TEAD1: variants seen among roughly 807,000 people sequenced by gnomAD.
The protein encoded by TEAD1 is TEA domain transcription factor 1, also known as transcriptional enhancer factor TEF-1.
A neutral mutation model predicts 54.9 loss-of-function variants in TEAD1; 9 were observed. The observed-to-expected ratio is 0.16, with a 90% CI of 0.10 to 0.29. TEAD1 has a LOEUF of 0.29. Among genes scored for constraint, TEAD1 ranks in the 10% least tolerant of loss-of-function variants. TEAD1 has a pLI of 1.00. For missense variants in TEAD1, 387 were observed against 535.9 expected, an observed-to-expected ratio of 0.72 and a Z score of 2.74; for synonymous variants, 200 against 187.8, an observed-to-expected ratio of 1.07 and a Z score of -0.53.
intron 2 of TEAD1, among the ~76,000 whole-genome samples, chr11:12,712,199 C>G (rs1252129434): frequency 6.6e-6 from 1 of 152,186 alleles, no homozygotes; most frequent in Non-Finnish European, 1.5e-5. Context: ...GCCCGTCCAT[C>G]CATCCATCCA....
chr11:12,902,305 G>A (rs868792984), intron 10 of TEAD1, among the ~76,000 whole-genome samples, 192 bp downstream of exon 10: 1 of 152,240 alleles, frequency 6.6e-6, no homozygotes, highest in Non-Finnish European at 1.5e-5. Context: ...TCCACATGGT[G>A]CACCTGGGTG....
At chr11:12,928,446 T>G (rs1049639026) in intron 11 of TEAD1, among the ~76,000 whole-genome samples, 2 of 152,092 alleles carry the variant, frequency 1.3e-5, no homozygotes, top group African/African-American at 4.8e-5. Flanking sequence ...CATGCCTGGC[T>G]AATTTTTTGT....
intron 9 of TEAD1, among the ~76,000 whole-genome samples, chr11:12,890,387 C>T (rs909900823): frequency 6.6e-6 from 1 of 152,116 alleles, no homozygotes; most frequent in African/African-American, 2.4e-5. Flanking sequence ...AATTGTCTTC[C>T]ACAAAATCAG....
At chr11:12,734,415 A>G (rs1343347339) in intron 2 of TEAD1, among the ~76,000 whole-genome samples, 1 of 151,914 alleles carries the variant, frequency 6.6e-6, no homozygotes. Context: ...TTTATAATTG[A>G]AAAAAAATTA....
At position 12,925,762 on chromosome 11, in the gene TEAD1, C is replaced by CA. The variant is rs574204501; in HGVS notation, c.1014+712dup. Among the ~76,000 whole-genome samples the CA allele has an allele frequency of 1.2e-4, 18 of 152,258 alleles. No individual in the cohort carries two copies. In the East Asian group the frequency reaches 1.9e-3, roughly 16 times the overall value. ...CTCAGAATGATGCCCTCCCTACACCCAACCCCTAGGTCCAAGGGCACTCCC... is the reference window on the plus strand; with the variant it reads ...CTCAGAATGATGCCCTCCCTACACCCAAACCCCTAGGTCCAAGGGCACTCCC... On this transcript the variant is annotated intron_variant, in intron 11 of 12. Transcript: ENST00000527636.
At chr11:12,904,226 T>A (rs1047664897) in intron 10 of TEAD1, among the ~76,000 whole-genome samples, 2 of 152,070 alleles carry the variant, frequency 1.3e-5, no homozygotes, top group Middle Eastern at 6.8e-3. Context: ...TTCATGAATT[T>A]TATTACAACC....
At chr11:12,888,235 G>T (rs1948130390) in intron 9 of TEAD1, among the ~76,000 whole-genome samples, 1 of 152,188 alleles carries the variant, frequency 6.6e-6, no homozygotes, top group South Asian at 2.1e-4. Context: ...CTGGCTGGGT[G>T]TGATGGCTCA....
chr11:12,768,847 T>G (rs1258329949), intron 3 of TEAD1, among the ~76,000 whole-genome samples: 1 of 152,228 alleles, frequency 6.6e-6, no homozygotes, highest in South Asian at 2.1e-4. Context: ...CTGAGAAGTT[T>G]GAGAGCCCTT....
chr11:12,681,561 C>A (rs1399338101), intron 2 of TEAD1, among the ~76,000 whole-genome samples: 2 of 152,212 alleles, frequency 1.3e-5, no homozygotes, highest in South Asian at 2.1e-4. Flanking sequence ...AAAATCTCCC[C>A]TACTGATGGA....
chr11:12,743,595 T>A (rs1224958776), intron 2 of TEAD1, among the ~76,000 whole-genome samples: 2 of 152,218 alleles, frequency 1.3e-5, no homozygotes, highest in African/African-American at 2.4e-5. Context: ...GCTAGGCATC[T>A]TGGTAATTGC....
rs572272600 is a variant in TEAD1, at chr11:12,855,237, A to T, written c.203-7013A>T. On this transcript the variant is annotated intron_variant, in intron 3 of 12. Coordinates refer to ENST00000527636, the MANE Select transcript of TEAD1 (RefSeq NM_021961.6). ...GGTTTCCTCAGTGTCCCCTTCATCT[A>T]TACTTTTTGGTTGTTGGCTTGCTTG... Among the ~76,000 whole-genome samples the T allele has an allele frequency of 3.3e-5, 5 of 151,986 alleles. No homozygotes were observed. In the South Asian group the frequency reaches 1.0e-3, roughly 32 times the overall value.
At position 12,810,961 on chromosome 11, in the gene TEAD1, T is replaced by G. The variant is rs1171109024; in HGVS notation, c.202+46527T>G. On this transcript the variant is annotated intron_variant, in intron 3 of 12. Coordinates refer to ENST00000527636, the MANE Select transcript of TEAD1 (RefSeq NM_021961.6). Reference sequence around the variant, plus strand: ...AGAAGCTACTTGAATGCTCCACGGCTATAGAGGACATTCAGCATCCATTCT... The same window carrying G: ...AGAAGCTACTTGAATGCTCCACGGCGATAGAGGACATTCAGCATCCATTCT... Among the ~76,000 whole-genome samples, 3 of 152,186 alleles carry G rather than the reference T, an allele frequency of 2.0e-5. No individual in the cohort carries two copies. The East Asian group carries it at 5.8e-4, about 29-fold the overall frequency.
intron 2 of TEAD1, among the ~76,000 whole-genome samples, chr11:12,687,844 G>T (rs1943365447): frequency 6.6e-6 from 1 of 152,210 alleles, no homozygotes; most frequent in South Asian, 2.1e-4. Flanking sequence ...TCACCCCCGT[G>T]ACTGGTTATA....
intron 2 of TEAD1, among the ~76,000 whole-genome samples, chr11:12,735,273 T>C (rs1009416891): frequency 7.9e-5 from 12 of 152,326 alleles, no homozygotes; most frequent in East Asian, 1.9e-4. Context: ...CTTCCTCTTA[T>C]GTCCTCCAGT....
At chr11:12,930,609 T>G (rs1198779807) in intron 12 of TEAD1, among the ~76,000 whole-genome samples, 1 of 152,222 alleles carries the variant, frequency 6.6e-6, no homozygotes, top group Non-Finnish European at 1.5e-5. Context: ...TATCTCTGGC[T>G]GCAGAGTAGA....
intron 2 of TEAD1, among the ~76,000 whole-genome samples, chr11:12,687,621 G>A (rs1256102687): frequency 6.6e-6 from 1 of 152,112 alleles, no homozygotes; most frequent in Non-Finnish European, 1.5e-5. Flanking sequence ...TGAAACAAAG[G>A]TAGGCTTCTC....
At chr11:12,916,106 G>C (rs1948707534) in intron 10 of TEAD1, among the ~76,000 whole-genome samples, 1 of 152,106 alleles carries the variant, frequency 6.6e-6, no homozygotes, top group Non-Finnish European at 1.5e-5. Flanking sequence ...CCCACAAATA[G>C]ACCCTAAAGT....
At chr11:12,898,603 C>T (rs567990396) in intron 9 of TEAD1, among the ~76,000 whole-genome samples, 1 of 152,068 alleles carries the variant, frequency 6.6e-6, no homozygotes, top group South Asian at 2.1e-4. Context: ...CCGTGTTGGC[C>T]AGGCTGGTCT....
chr11:12,904,282 G>A (rs1948477649), intron 10 of TEAD1, among the ~76,000 whole-genome samples: 1 of 152,042 alleles, frequency 6.6e-6, no homozygotes, highest in African/African-American at 2.4e-5. Flanking sequence ...TCACATCAAG[G>A]AAAACAAATG....
Sources: gnomAD v4.1 joint callset for allele counts (sites outside exome capture counted in the v4.1 genomes callset) on GRCh38, gnomAD v4.1.1 for gene constraint, MANE v1.5 for transcripts, NCBI Gene and HGNC (gene_info 2026-07-23, HGNC 2026-07-21) for gene names.